Variants in WDR19 observed in about 807,000 individuals in gnomAD.
WDR19 encodes the protein WD repeat domain 19, also known as WD repeat-containing protein 19.
In WDR19, 121 loss-of-function variants were observed where a neutral mutation model predicts 180.0. The ratio of observed to expected loss-of-function variants is 0.67; its 90% CI spans 0.58 to 0.78. The LOEUF (loss-of-function observed/expected upper bound fraction) is 0.78, where lower values mean the gene tolerates loss of function less well. WDR19 is among the 30% of genes least tolerant of loss of function. WDR19 has a pLI of 0.00. For synonymous variants in WDR19, 497 were observed against 540.7 expected (o/e 0.92, Z 1.12); for missense variants, 1,450 against 1,640.7 (o/e 0.88, Z 2.01).
At chr4:39,261,081 C>T (rs1017491699) in intron 28 of WDR19, among the ~76,000 whole-genome samples, 2 of 151,824 alleles carry the variant, frequency 1.3e-5, no homozygotes, top group Non-Finnish European at 2.9e-5. Flanking sequence ...GCAAACTCCA[C>T]CTCCTGGGTT....
intron 14 of WDR19, among the ~76,000 whole-genome samples, chr4:39,220,593 G>GTC (rs1223305035): frequency 2.2e-5 from 2 of 91,580 alleles, no homozygotes; most frequent in Non-Finnish European, 3.9e-5. Flanking sequence ...TTGAGACAGA[G>GTC]TCTCTCTCTG....
chr4:39,240,434 T>A, intron 21 of WDR19, 100 bp downstream of exon 21: 2 of 625,356 alleles, frequency 3.2e-6, no homozygotes, highest in Non-Finnish European at 4.7e-6. Context: ...ATTTAATATC[T>A]AGCAGGTGAG....
rs750485530 is a variant in WDR19, at chr4:39,245,353, G to T, written c.2646-16G>T. ...AACACAGTACTCATACTGTTCTCCT[G>T]GACCTACCTTTCCAGGGCAAAAGTT... On this transcript the variant is annotated splice_polypyrimidine_tract_variant and intron_variant, in intron 23 of 36. Transcript: ENST00000399820. 6 of 1,609,822 alleles carry T rather than the reference G, an allele frequency of 3.7e-6. No individual in the cohort carries two copies. Among genetic ancestry groups the T allele is most frequent in the Admixed American group, 1.7e-5 (1 of 59,634 alleles).
rs374798575 is a variant in WDR19, at chr4:39,267,945, C to A, written c.3262-50C>A. On this transcript the variant is annotated intron_variant, in intron 29 of 36. Transcript: ENST00000399820. ...TAACTGCAATACAAAAATGTAATCTCCCCTTAGCTAATGAAGAAAGTAATG... is the reference window on the plus strand; with the variant it reads ...TAACTGCAATACAAAAATGTAATCTACCCTTAGCTAATGAAGAAAGTAATG... 7.9e-6 allele frequency: 12 copies of A among 1,513,134 alleles called. No individual in the cohort carries two copies. The African/African-American group carries it at 1.5e-4, about 19-fold the overall frequency. 93.7% of individuals were successfully genotyped at this position (1,513,134 alleles called of 1,614,324 possible). A position where few individuals can be genotyped will look rare whatever the true frequency, so the allele number is the denominator to read the frequency against.
At position 39,189,662 on chromosome 4, in the gene WDR19, T is replaced by C. The variant is rs1483597668; in HGVS notation, c.171T>C (p.Cys57=). ...KRSEINLPGN[C]VAMDWDKDGD... Reference sequence around the variant, plus strand: ...TTGCTCTCTTTTTTAAAAGTAACTGTGTTGCCATGGATTGGGATAAAGATG... The same window carrying C: ...TTGCTCTCTTTTTTAAAAGTAACTGCGTTGCCATGGATTGGGATAAAGATG... Residue 57 remains cysteine (C), a synonymous_variant, in exon 4 of 37, where the codon TGT becomes TGC. Transcript: ENST00000399820. The C allele has an allele frequency of 6.3e-7, 1 of 1,594,042 alleles. No individual in the cohort carries two copies. Among genetic ancestry groups the C allele is most frequent in the Non-Finnish European group, 8.5e-7 (1 of 1,172,390 alleles).
chr4:39,277,758 A>G (rs6845114), intron 34 of WDR19, among the ~76,000 whole-genome samples: 10,670 of 152,268 alleles, frequency 0.07, 1,226 homozygotes, highest in African/African-American at 0.24. Flanking sequence ...TTCAATTATT[A>G]TAATTGAATA....
chr4:39,253,597 G>A (rs564076679), intron 25 of WDR19, among the ~76,000 whole-genome samples: 2 of 152,006 alleles, frequency 1.3e-5, no homozygotes, highest in Non-Finnish European at 2.9e-5. Flanking sequence ...GGCCAACATG[G>A]TGAAACCCCA....
At chr4:39,280,116 C>CTTTTTTTTTTTTTTTTTTTTT (rs1736329750) in intron 36 of WDR19, among the ~76,000 whole-genome samples, 2 of 52,462 alleles carry the variant, frequency 3.8e-5, no homozygotes, top group Admixed American at 2.7e-4. Flanking sequence ...TTTCCCTTTT[C>CTTTTTTTTTTTTTTTTTTTTT]TTGTTTTTTT....
rs376167184 is a variant in WDR19 at position 39,266,126 on chromosome 4, G to A, written c.3247G>A (p.Asp1083Asn). 36 of 1,563,070 alleles carry A rather than the reference G, an allele frequency of 2.3e-5. No individual in the cohort carries two copies. The Admixed American group carries it at 3.6e-4, about 16-fold the overall frequency. The change falls in exon 29 of 37, where the codon GAT becomes AAT. Residue 1083 changes from aspartate to asparagine, a missense_variant. By Grantham distance (23) the Asp-to-Asn change is conservative (BLOSUM62 1). Transcript: ENST00000399820. ...QLIDHLLGENDGMPKDAKYLF... is the reference protein window; with the variant it reads ...QLIDHLLGENNGMPKDAKYLF... ...GATAGACCATCTCCTGGGGGAGAAC[G>A]ATGGCATGCCTAAGGTACTGAACAC...
At chr4:39,222,326 G>A (rs1729785567) in intron 14 of WDR19, among the ~76,000 whole-genome samples, 1 of 152,078 alleles carries the variant, frequency 6.6e-6, no homozygotes, top group Admixed American at 6.5e-5. Context: ...TTTATCAGAT[G>A]TATGCTTTGC....
intron 28 of WDR19, among the ~76,000 whole-genome samples, chr4:39,264,796 TC>T (rs1405238963): frequency 3.9e-5 from 6 of 152,076 alleles, no homozygotes; most frequent in Non-Finnish European, 8.8e-5. Context: ...TCCCCTAAAT[TC>T]CTGACCTCAC....
chr4:39,203,667 A>G lies in WDR19; in HGVS notation c.548A>G (p.Asn183Ser). The G allele has an allele frequency of 6.2e-7, 1 of 1,612,984 alleles. No individual in the cohort carries two copies. The highest frequency in any genetic ancestry group is 1.1e-5 in the South Asian group (1 of 90,680). ...RQTQVRSEPS[N>S]MQFFLMKMDD... ...ACACAAGTGAGATCAGAGCCTAGCA[A>G]CATGCAGTTTTTCTTGATGAAGATG... The change falls in exon 7 of 37, where the codon AAC becomes AGC. Residue 183 changes from asparagine to serine, a missense_variant. By Grantham distance (46) the Asn-to-Ser change is conservative (BLOSUM62 1). Transcript: ENST00000399820.
At chr4:39,192,681 C>T (rs56994744) in intron 4 of WDR19, among the ~76,000 whole-genome samples, 3,718 of 152,230 alleles carry the variant, frequency 0.024, 151 homozygotes, top group African/African-American at 0.085. Flanking sequence ...AGGCTGGTCT[C>T]GAACTCCTGA....
intron 12 of WDR19, 35 bp from the exon 13 acceptor site, chr4:39,217,099 C>A: frequency 6.8e-7 from 1 of 1,475,090 alleles, no homozygotes; most frequent in Non-Finnish European, 9.3e-7. Flanking sequence ...GTTTTACCAA[C>A]ATTTTAATGT....
chr4:39,198,369 T>G (rs985899228), intron 5 of WDR19, among the ~76,000 whole-genome samples: 2 of 146,716 alleles, frequency 1.4e-5, no homozygotes. Flanking sequence ...CTATCCTGGC[T>G]AACATGGTGA....
intron 20 of WDR19, among the ~76,000 whole-genome samples, chr4:39,239,219 G>A (rs552822655): frequency 4.4e-4 from 67 of 152,106 alleles, no homozygotes; most frequent in Non-Finnish European, 7.6e-4. Flanking sequence ...CTTATGATCC[G>A]TGTGCCTCGG....
At chr4:39,252,645 A>T (rs1179741128) in intron 24 of WDR19, among the ~76,000 whole-genome samples, 1 of 152,126 alleles carries the variant, frequency 6.6e-6, no homozygotes, top group East Asian at 1.9e-4. Context: ...CTTTTAGAAA[A>T]GTAACCTTAG....
intron 30 of WDR19, 24 bp downstream of exon 30, chr4:39,268,115 T>TA: frequency 1.3e-6 from 2 of 1,541,954 alleles, no homozygotes; most frequent in Non-Finnish European, 1.8e-6. Context: ...ACGTATGTGT[T>TA]ACTTCCCAAG....
intron 7 of WDR19, among the ~76,000 whole-genome samples, chr4:39,204,188 C>A (rs757252956): frequency 1.1e-4 from 17 of 151,856 alleles, no homozygotes; most frequent in Non-Finnish European, 2.1e-4. Context: ...TAGGTTCAAG[C>A]GATTCTCCTG....
Sources: allele counts gnomAD v4.1 joint callset (sites outside exome capture counted in the v4.1 genomes callset), GRCh38; gene constraint gnomAD v4.1.1; transcripts MANE v1.5; gene names NCBI Gene and HGNC (gene_info 2026-07-23, HGNC 2026-07-21).